Variants in ANKMY2 observed in about 807,000 individuals in gnomAD.
The protein encoded by ANKMY2 is ankyrin repeat and MYND domain-containing protein 2.
In ANKMY2, 36 loss-of-function variants were observed where a neutral mutation model predicts 50.4. That is an observed-to-expected ratio of 0.71 (90% CI 0.55 to 0.94). The LOEUF is 0.94. Ranked by LOEUF, ANKMY2 falls within the 40% of genes least tolerant of loss-of-function variation. The probability of loss-of-function intolerance (pLI) is 0.00; values close to 1 mark genes in which losing one functional copy is unlikely to be tolerated. For missense variants in ANKMY2, 565 were observed against 524.0 expected, an observed-to-expected ratio of 1.08 and a Z score of -0.76; for synonymous variants, 187 against 178.8, an observed-to-expected ratio of 1.05 and a Z score of -0.36.
intron 4 of ANKMY2, among the ~76,000 whole-genome samples, chr7:16,622,571 T>C (rs892107586): frequency 2.0e-5 from 3 of 151,928 alleles, no homozygotes; most frequent in African/African-American, 4.8e-5. Flanking sequence ...ACCCCATCTC[T>C]ACTAAAAATA....
At chr7:16,604,448 A>T (rs764388751) in intron 8 of ANKMY2, among the ~76,000 whole-genome samples, 3 of 152,222 alleles carry the variant, frequency 2.0e-5, no homozygotes, top group Non-Finnish European at 2.9e-5. Flanking sequence ...TTATTTTCTC[A>T]TATTCATTCA....
chr7:16,618,637 G>C (rs940265219), intron 4 of ANKMY2, among the ~76,000 whole-genome samples: 1 of 152,122 alleles, frequency 6.6e-6, no homozygotes, highest in Non-Finnish European at 1.5e-5. Context: ...GTCTTGAAAA[G>C]TCAAACAGTA....
At chr7:16,629,244 G>C (rs1414435266) in intron 2 of ANKMY2, among the ~76,000 whole-genome samples, 1 of 152,136 alleles carries the variant, frequency 6.6e-6, no homozygotes, top group African/African-American at 2.4e-5. Context: ...TTTCCAGAAA[G>C]GTAAGTATCG....
At chr7:16,619,312 C>T (rs751303075) in intron 4 of ANKMY2, among the ~76,000 whole-genome samples, 2 of 152,098 alleles carry the variant, frequency 1.3e-5, no homozygotes, top group African/African-American at 2.4e-5. Flanking sequence ...TGCCACCACG[C>T]CCAACTAATT....
intron 1 of ANKMY2, chr7:16,644,628 A>C (rs1053860014): frequency 2.2e-6 from 1 of 459,128 alleles, no homozygotes; most frequent in Non-Finnish European, 4.5e-6. Context: ...AGTCGCACGC[A>C]TCACCATCCC....
chr7:16,623,557 C>G (rs1387371020), intron 4 of ANKMY2, among the ~76,000 whole-genome samples: 1 of 152,082 alleles, frequency 6.6e-6, no homozygotes, highest in South Asian at 2.1e-4. Flanking sequence ...TCACCTAATT[C>G]CCCTGCTTCT....
chr7:16,624,709 C>T (rs1209203267), intron 4 of ANKMY2, among the ~76,000 whole-genome samples: 1 of 152,178 alleles, frequency 6.6e-6, no homozygotes, highest in African/African-American at 2.4e-5. Context: ...GGGTTAGCTA[C>T]TTCCATCAGA....
At chr7:16,602,002 T>A (rs1781074692) in intron 9 of ANKMY2, among the ~76,000 whole-genome samples, 1 of 152,246 alleles carries the variant, frequency 6.6e-6, no homozygotes, top group Non-Finnish European at 1.5e-5. Context: ...GCTTCCACCC[T>A]TAAAATCTTC....
chr7:16,605,674 C>CTTTTTGTTTTTT, intron 7 of ANKMY2, among the ~76,000 whole-genome samples: 1 of 59,608 alleles, frequency 1.7e-5, no homozygotes, highest in Non-Finnish European at 3.1e-5. Context: ...ATTTTTTGTA[C>CTTTTTGTTTTTT]TTTTTTTTTT....
chr7:16,610,503 A>C lies in ANKMY2; in HGVS notation c.746+46T>G, dbSNP rs1050845475. The stretch of plus-strand genomic sequence containing the variant: ...ATAATGAGGCTTCATATTAAAAAAA[A>C]TATTCACTTGAGTGTATTTTATAAA... On this transcript the variant is annotated intron_variant, in intron 6 of 9. Coordinates refer to ENST00000306999, the MANE Select transcript of ANKMY2 (RefSeq NM_020319.3). 10 of 1,471,094 alleles carry C rather than the reference A, an allele frequency of 6.8e-6. No individual in the cohort carries two copies. The African/African-American group carries it at 1.3e-4, about 19-fold the overall frequency. 91.1% of individuals were successfully genotyped at this position (1,471,094 alleles called of 1,614,324 possible). A position where few individuals can be genotyped will look rare whatever the true frequency, so the allele number is the denominator to read the frequency against.
rs1562763457 is a variant in ANKMY2 at position 16,600,464 on chromosome 7, T to A, written c.*297A>T. On this transcript the variant is annotated 3_prime_UTR_variant, in exon 10 of 10. Coordinates refer to ENST00000306999, the MANE Select transcript of ANKMY2 (RefSeq NM_020319.3). ...AGCCTGTATTTTTTCTTTAAGGGGA[T>A]CTATTTTCCTTTGAAACAATTGCTG... The A allele has an allele frequency of 4.6e-6, 1 of 218,374 alleles. No individual in the cohort carries two copies. The highest frequency in any genetic ancestry group is 8.9e-6 in the Non-Finnish European group (1 of 111,898). The allele number at this position is 218,374 out of a possible 1,614,324, so 13.5% of individuals were successfully genotyped here.
intron 2 of ANKMY2, among the ~76,000 whole-genome samples, chr7:16,629,221 A>G (rs1262475284): frequency 6.6e-6 from 1 of 152,200 alleles, no homozygotes; most frequent in African/African-American, 2.4e-5. Context: ...GAGCAAACCA[A>G]TGAGAGAGTT....
intron 1 of ANKMY2, among the ~76,000 whole-genome samples, chr7:16,640,381 C>T (rs919994335): frequency 6.6e-6 from 1 of 152,006 alleles, no homozygotes; most frequent in East Asian, 1.9e-4. Flanking sequence ...ATATCTAGAT[C>T]GGGAACACGG....
chr7:16,614,287 A>G (rs953110485), intron 5 of ANKMY2, among the ~76,000 whole-genome samples: 1 of 152,222 alleles, frequency 6.6e-6, no homozygotes, highest in Non-Finnish European at 1.5e-5. Context: ...TTAAATTCTA[A>G]GCCCTCTGTA....
chr7:16,622,801 A>G (rs1401860095), intron 4 of ANKMY2, among the ~76,000 whole-genome samples: 1 of 151,908 alleles, frequency 6.6e-6, no homozygotes, highest in Non-Finnish European at 1.5e-5. Flanking sequence ...TAAAAACTCT[A>G]TATCCTTTGT....
rs374629071 is a variant in ANKMY2 at position 16,600,919 on chromosome 7, A to C, written c.1168T>G (p.Cys390Gly). The C allele has an allele frequency of 6.2e-7, 1 of 1,600,962 alleles. No homozygotes were observed. Among genetic ancestry groups the C allele is most frequent in the Non-Finnish European group, 8.5e-7 (1 of 1,174,282 alleles). ...NHGKLDVNSN[C>G]VNEEQPEAEV... Reference sequence around the variant, plus strand: ...GCCTCTGGTTGCTCTTCATTAACACAGTTAGAATTGACATCAAGTTTGCCG... The same window carrying C: ...GCCTCTGGTTGCTCTTCATTAACACCGTTAGAATTGACATCAAGTTTGCCG... The change falls in exon 10 of 10, where the codon TGT becomes GGT. Residue 390 changes from cysteine to glycine, a missense_variant. Transcript: ENST00000306999.
intron 4 of ANKMY2, among the ~76,000 whole-genome samples, chr7:16,624,543 T>C (rs1781483258): frequency 1.3e-5 from 2 of 152,222 alleles, no homozygotes; most frequent in East Asian, 3.8e-4. Flanking sequence ...CATGGAAAGT[T>C]CAAGTCTATC....
At chr7:16,625,704 G>T (rs1002796660) in intron 3 of ANKMY2, among the ~76,000 whole-genome samples, 7 of 152,074 alleles carry the variant, frequency 4.6e-5, no homozygotes, top group Non-Finnish European at 8.8e-5. Context: ...CAAAGATTAT[G>T]CATATTTTAA....
chr7:16,633,494 T>C (rs1286750440), intron 2 of ANKMY2, among the ~76,000 whole-genome samples: 3 of 152,146 alleles, frequency 2.0e-5, no homozygotes, highest in Non-Finnish European at 2.9e-5. Flanking sequence ...TTTTCAGTTG[T>C]AAACAGTCAG....
Sources: gnomAD v4.1 joint callset for allele counts (sites outside exome capture counted in the v4.1 genomes callset) on GRCh38, gnomAD v4.1.1 for gene constraint, MANE v1.5 for transcripts, NCBI Gene and HGNC (gene_info 2026-07-23, HGNC 2026-07-21) for gene names.